IMPG1: variants seen among roughly 807,000 people sequenced by gnomAD.
IMPG1 encodes the protein interphotoreceptor matrix proteoglycan of 150 kDa.
IMPG1 carries 85 observed loss-of-function variants against 92.0 expected under a neutral mutation model. The ratio of observed to expected loss-of-function variants is 0.92; its 90% confidence interval spans 0.78 to 1.11. The LOEUF (loss-of-function observed/expected upper bound fraction) is 1.11. IMPG1 is among the 50% of genes least tolerant of loss of function. The pLI, the probability that IMPG1 is intolerant of heterozygous loss-of-function variation, is 0.00. For synonymous variants in IMPG1, 367 were observed against 334.1 expected (o/e 1.10, Z -1.08); for missense variants, 1,022 against 956.0 (o/e 1.07, Z -0.91).
intron 3 of IMPG1, 24 bp downstream of exon 3, chr6:76,034,597 T>C (rs913253425): frequency 1.9e-6 from 3 of 1,612,708 alleles, no homozygotes; most frequent in Non-Finnish European, 2.5e-6. Context: ...GTGTTCCAAA[T>C]AACCATGTGG....
chr6:75,967,174 T>TTC (rs1181688719), intron 12 of IMPG1, among the ~76,000 whole-genome samples: 1 of 151,454 alleles, frequency 6.6e-6, no homozygotes, highest in Non-Finnish European at 1.5e-5. Context: ...GCAAGACTTC[T>TTC]TATAAAAAAA....
chr6:75,959,481 C>G (rs1343879549), intron 12 of IMPG1, among the ~76,000 whole-genome samples: 2 of 152,196 alleles, frequency 1.3e-5, no homozygotes. Flanking sequence ...CCCCCCTTCC[C>G]CCAGGTGCTC....
intron 12 of IMPG1, among the ~76,000 whole-genome samples, chr6:75,976,460 G>A (rs977844415): frequency 1.1e-4 from 17 of 152,248 alleles, no homozygotes; most frequent in Non-Finnish European, 2.4e-4. Context: ...TACTTGGGAG[G>A]CTGAGGCAGA....
chr6:75,974,296 TTTC>T (rs146211725), intron 12 of IMPG1, among the ~76,000 whole-genome samples: 3,851 of 150,488 alleles, frequency 0.026, 166 homozygotes, highest in African/African-American at 0.089. Context: ...TTTCTTTCTC[TTTC>T]TTTTCTTTTC....
At chr6:75,973,348 T>C (rs1224634460) in intron 12 of IMPG1, among the ~76,000 whole-genome samples, 1 of 150,444 alleles carries the variant, frequency 6.6e-6, no homozygotes, top group African/African-American at 2.5e-5. Context: ...GAGAGGAAAA[T>C]GGCATTGGAT....
intron 1 of IMPG1, among the ~76,000 whole-genome samples, chr6:76,055,986 A>T (rs1395226790): frequency 1.3e-5 from 2 of 152,090 alleles, no homozygotes; most frequent in African/African-American, 4.8e-5. Flanking sequence ...AGCAAAATGT[A>T]ATTCCATTTT....
chr6:76,046,105 C>T (rs1488740685), intron 1 of IMPG1, among the ~76,000 whole-genome samples: 1 of 152,020 alleles, frequency 6.6e-6, no homozygotes, highest in African/African-American at 2.4e-5. Flanking sequence ...AAAAAAATAA[C>T]CACCTTTACT....
At chr6:76,069,360 A>C (rs1784369199) in intron 1 of IMPG1, among the ~76,000 whole-genome samples, 1 of 152,194 alleles carries the variant, frequency 6.6e-6, no homozygotes, top group African/African-American at 2.4e-5. Context: ...TAACAAAACC[A>C]AAAACAGACA....
chr6:75,929,299 C>A (rs943839423), intron 15 of IMPG1, among the ~76,000 whole-genome samples: 1 of 152,072 alleles, frequency 6.6e-6, no homozygotes, highest in Admixed American at 6.6e-5. Context: ...CAAATGATAT[C>A]TCCTAATTGT....
At chr6:76,018,587 G>T in intron 7 of IMPG1, 131 bp downstream of exon 7, 1 of 816,632 alleles carries the variant, frequency 1.2e-6, no homozygotes, top group Non-Finnish European at 1.8e-6. Flanking sequence ...TGTAATTTTG[G>T]TTTTCTTTTA....
chr6:76,058,574 T>C (rs1264497775), intron 1 of IMPG1, among the ~76,000 whole-genome samples: 2 of 152,174 alleles, frequency 1.3e-5, no homozygotes, highest in African/African-American at 4.8e-5. Context: ...GGCAGAGCTG[T>C]TCTGTGCAGA....
At chr6:76,014,133 G>A (rs1186232054) in intron 7 of IMPG1, among the ~76,000 whole-genome samples, 1 of 152,168 alleles carries the variant, frequency 6.6e-6, no homozygotes, top group Admixed American at 6.5e-5. Context: ...TACCCAAAAA[G>A]GAATAACAAT....
At chr6:75,923,972 G>A (rs912073682) in intron 15 of IMPG1, among the ~76,000 whole-genome samples, 1 of 152,084 alleles carries the variant, frequency 6.6e-6, no homozygotes, top group Admixed American at 6.5e-5. Context: ...CTCAAGTCAA[G>A]TTCTGAGTTG....
intron 12 of IMPG1, among the ~76,000 whole-genome samples, chr6:76,000,201 A>G (rs1415447230): frequency 6.6e-6 from 1 of 152,226 alleles, no homozygotes; most frequent in Non-Finnish European, 1.5e-5. Flanking sequence ...AAGCAAACCT[A>G]CTGAACTCTA....
At chr6:75,936,163 A>G (rs1781741231) in intron 14 of IMPG1, among the ~76,000 whole-genome samples, 1 of 152,216 alleles carries the variant, frequency 6.6e-6, no homozygotes, top group South Asian at 2.1e-4. Flanking sequence ...TTGGGAACAT[A>G]GGTTAGCATC....
At chr6:75,969,106 A>C (rs1221217969) in intron 12 of IMPG1, among the ~76,000 whole-genome samples, 1 of 152,190 alleles carries the variant, frequency 6.6e-6, no homozygotes, top group Non-Finnish European at 1.5e-5. Context: ...ACAAAAGTCA[A>C]ACTCATACAA....
chr6:76,028,937 G>A (rs773321685), intron 4 of IMPG1, among the ~76,000 whole-genome samples: 5 of 152,174 alleles, frequency 3.3e-5, no homozygotes, highest in East Asian at 1.9e-4. Context: ...CTTAACTTAC[G>A]GCAATATAGT....
intron 12 of IMPG1, among the ~76,000 whole-genome samples, chr6:76,001,267 AAAAGT>A (rs1470201172): frequency 6.6e-6 from 1 of 152,254 alleles, no homozygotes; most frequent in Non-Finnish European, 1.5e-5. Flanking sequence ...AGAATGAAAG[AAAAGT>A]ATTCAGTGAG....
At chr6:75,929,125 T>G (rs1027846127) in intron 15 of IMPG1, among the ~76,000 whole-genome samples, 1 of 152,248 alleles carries the variant, frequency 6.6e-6, no homozygotes, top group Non-Finnish European at 1.5e-5. Flanking sequence ...GAAATAATTG[T>G]CTAAAAGTAG....
Sources: allele counts gnomAD v4.1 joint callset (sites outside exome capture counted in the v4.1 genomes callset), GRCh38; gene constraint gnomAD v4.1.1; transcripts MANE v1.5; gene names NCBI Gene and HGNC (gene_info 2026-07-23, HGNC 2026-07-21).